PUM1: variants seen among roughly 807,000 people sequenced by gnomAD.
PUM1 encodes the protein pumilio homolog 1.
A neutral mutation model predicts 131.8 loss-of-function variants in PUM1; 13 were observed. The observed-to-expected ratio is 0.10, with a 90% CI of 0.06 to 0.16. The LOEUF (loss-of-function observed/expected upper bound fraction) is 0.16. PUM1 is among the 10% of genes least tolerant of loss of function. PUM1 has a pLI of 1.00. For missense variants in PUM1, 961 were observed against 1,512.4 expected, an observed-to-expected ratio of 0.64 and a Z score of 6.05; for synonymous variants, 509 against 556.5, an observed-to-expected ratio of 0.91 and a Z score of 1.20.
chr1:31,052,364 C>T (rs1470032215), intron 2 of PUM1, among the ~76,000 whole-genome samples: 7 of 151,882 alleles, frequency 4.6e-5, no homozygotes, highest in Admixed American at 4.6e-4. Flanking sequence ...GAAGATGTGT[C>T]TAGTGTTTCC....
At chr1:30,958,573 G>A (rs1163921943) in intron 14 of PUM1, among the ~76,000 whole-genome samples, 1 of 152,262 alleles carries the variant, frequency 6.6e-6, no homozygotes, top group South Asian at 2.1e-4. Context: ...GAGAAAGGGC[G>A]GGGGAGTAGG....
chr1:31,046,371 A>G lies in PUM1; in HGVS notation c.363+12833T>C, dbSNP rs188397422. ...ACTGCACTCCAACCTGGGCAACAAG[A>G]GTGAAACTCTCTCTCAAAACAAAAT... is the stretch of plus-strand genomic sequence containing the variant. On this transcript the variant is annotated intron_variant, in intron 2 of 21. Transcript: ENST00000426105. 3.3e-5 allele frequency among the ~76,000 whole-genome samples: 5 copies of G among 152,298 alleles called. No homozygotes were observed. The East Asian group carries it at 9.7e-4, about 29-fold the overall frequency.
chr1:31,014,093 G>C (rs1395026517), intron 3 of PUM1, among the ~76,000 whole-genome samples: 3 of 151,876 alleles, frequency 2.0e-5, no homozygotes, highest in African/African-American at 4.8e-5. Context: ...TTGAGTCTAG[G>C]AGTTAAAGAC....
chr1:31,050,631 T>G (rs1302598454), intron 2 of PUM1, among the ~76,000 whole-genome samples: 2 of 152,210 alleles, frequency 1.3e-5, no homozygotes, highest in African/African-American at 4.8e-5. Flanking sequence ...AGCTTTAACA[T>G]GTTAACCAAA....
chr1:30,967,428 ATACT>A, intron 11 of PUM1, 118 bp from the exon 12 acceptor site: 1 of 930,506 alleles, frequency 1.1e-6, no homozygotes, highest in Non-Finnish European at 1.6e-6. Flanking sequence ...CCAGATTTAT[ATACT>A]GGCTCCATCA....
intron 11 of PUM1, 42 bp downstream of exon 11, chr1:30,968,312 T>A: frequency 6.3e-7 from 1 of 1,576,508 alleles, no homozygotes; most frequent in Non-Finnish European, 8.7e-7. Flanking sequence ...ACGTGCAGCC[T>A]TTTTCCCTGC....
At chr1:31,055,446 A>C in intron 2 of PUM1, 1 of 456,136 alleles carries the variant, frequency 2.2e-6, no homozygotes, top group East Asian at 6.9e-5. Context: ...AGGTGAGAAC[A>C]ACACTAAAAC....
intron 13 of PUM1, 85 bp downstream of exon 13, chr1:30,965,897 G>A (rs1640601586): frequency 1.4e-6 from 2 of 1,395,332 alleles, no homozygotes; most frequent in Middle Eastern, 3.7e-4. Context: ...AGATCTGCCT[G>A]TGGTTCCATG....
intron 2 of PUM1, among the ~76,000 whole-genome samples, chr1:31,038,958 T>TATATATATATATATATATATATATATA (rs1553152630): frequency 2.3e-5 from 1 of 43,962 alleles, no homozygotes; most frequent in Admixed American, 2.4e-4. Context: ...TTTTAAAATT[T>TATATATATATATATATATATATATATA]TATATATATA....
At chr1:31,051,422 G>A (rs1644107270) in intron 2 of PUM1, among the ~76,000 whole-genome samples, 1 of 151,772 alleles carries the variant, frequency 6.6e-6, no homozygotes, top group Non-Finnish European at 1.5e-5. Flanking sequence ...TCCTGCCTCA[G>A]CCACCCAAGT....
intron 21 of PUM1, among the ~76,000 whole-genome samples, chr1:30,934,551 A>G (rs1283388786): frequency 6.6e-6 from 1 of 152,170 alleles, no homozygotes; most frequent in East Asian, 1.9e-4. Flanking sequence ...TACAGGGGAA[A>G]CTGGCTGGTG....
intron 3 of PUM1, among the ~76,000 whole-genome samples, chr1:31,013,416 G>A (rs1274805961): frequency 6.6e-6 from 1 of 152,188 alleles, no homozygotes; most frequent in Non-Finnish European, 1.5e-5. Flanking sequence ...GCTGCACAGA[G>A]CATCTCTCAG....
chr1:30,938,698 A>T (rs1009111413), intron 20 of PUM1, among the ~76,000 whole-genome samples: 1 of 152,126 alleles, frequency 6.6e-6, no homozygotes, highest in African/African-American at 2.4e-5. Context: ...CCCTGTCTCT[A>T]CTAAAAATAC....
At chr1:31,007,403 G>A (rs1159338948) in intron 3 of PUM1, among the ~76,000 whole-genome samples, 1 of 152,164 alleles carries the variant, frequency 6.6e-6, no homozygotes, top group Admixed American at 6.5e-5. Flanking sequence ...TAAGGAGTGG[G>A]GAAGGGAACT....
intron 21 of PUM1, among the ~76,000 whole-genome samples, chr1:30,934,150 T>C (rs975683808): frequency 2.6e-5 from 4 of 152,216 alleles, no homozygotes; most frequent in African/African-American, 7.2e-5. Context: ...GGGCTGATCA[T>C]TTCAAGAAGT....
chr1:30,973,541 A>G (rs963801908), intron 10 of PUM1, among the ~76,000 whole-genome samples: 6 of 152,250 alleles, frequency 3.9e-5, no homozygotes, highest in African/African-American at 1.4e-4. Context: ...ATAATAGACT[A>G]GTCAAAATAA....
chr1:31,038,984 A>ATATATATATATATTTTTT, intron 2 of PUM1, among the ~76,000 whole-genome samples: 6 of 49,412 alleles, frequency 1.2e-4, no homozygotes, highest in African/African-American at 2.1e-4. Context: ...ATATATATAT[A>ATATATATATATATTTTTT]TTTTTTTTTT....
rs898346505 is a variant in PUM1, at chr1:31,035,714, G to A, written c.364-6850C>T. ...TGCAGTGAACCGAGATAGCGCCACT[G>A]CACTCCTGCCTGGGCAACGAGAGTG... On this transcript the variant is annotated intron_variant, in intron 2 of 21. Transcript: ENST00000426105. Among the ~76,000 whole-genome samples, 3 of 152,032 alleles carry A rather than the reference G, an allele frequency of 2.0e-5. No individual in the cohort carries two copies. In the East Asian group the frequency reaches 5.8e-4, roughly 30 times the overall value.
chr1:30,960,146 T>C (rs1640345646), intron 14 of PUM1, among the ~76,000 whole-genome samples: 1 of 152,172 alleles, frequency 6.6e-6, no homozygotes, highest in Non-Finnish European at 1.5e-5. Flanking sequence ...ACAGTCCAGG[T>C]TGAGTACCCT....
Sources: allele counts gnomAD v4.1 joint callset (sites outside exome capture counted in the v4.1 genomes callset), GRCh38; gene constraint gnomAD v4.1.1; transcripts MANE v1.5; gene names NCBI Gene and HGNC (gene_info 2026-07-23, HGNC 2026-07-21).